The following SUPT3H variants were observed in gnomAD, a reference collection of about 807,000 sequenced individuals.
SUPT3H encodes the protein SPT3 homolog, SAGA and STAGA complex component.
A neutral mutation model predicts 44.3 loss-of-function variants in SUPT3H; 44 were observed. The ratio of observed to expected loss-of-function variants is 0.99; its 90% CI spans 0.78 to 1.28. SUPT3H has a LOEUF of 1.28. Ranked by LOEUF, SUPT3H falls within the 50% of genes most tolerant of loss-of-function variation. SUPT3H has a pLI of 0.00. For missense variants in SUPT3H, 380 were observed against 387.1 expected, an observed-to-expected ratio of 0.98 and a Z score of 0.15; for synonymous variants, 124 against 125.6, an observed-to-expected ratio of 0.99 and a Z score of 0.09.
At chr6:45,149,091 T>C (rs1006257863) in intron 2 of SUPT3H, among the ~76,000 whole-genome samples, 2 of 152,196 alleles carry the variant, frequency 1.3e-5, no homozygotes, top group Admixed American at 6.6e-5. Context: ...ACTAAACATA[T>C]TAATATACAG....
chr6:44,837,650 A>G (rs1338933691), intron 10 of SUPT3H, among the ~76,000 whole-genome samples: 1 of 152,240 alleles, frequency 6.6e-6, no homozygotes, highest in Non-Finnish European at 1.5e-5. Flanking sequence ...CTTACTGATT[A>G]TCAGTCAACA....
intron 2 of SUPT3H, among the ~76,000 whole-genome samples, chr6:45,298,569 T>C (rs1316011993): frequency 1.3e-5 from 2 of 151,874 alleles, no homozygotes; most frequent in African/African-American, 4.8e-5. Flanking sequence ...TCTCCTGACC[T>C]CGTGATCCAT....
At chr6:45,255,937 C>T (rs528700057) in intron 2 of SUPT3H, among the ~76,000 whole-genome samples, 9 of 152,170 alleles carry the variant, frequency 5.9e-5, no homozygotes, top group African/African-American at 1.9e-4. Flanking sequence ...TTTGGGAGGC[C>T]GAGGCGGGAA....
At chr6:45,292,319 C>T (rs765123373) in intron 2 of SUPT3H, among the ~76,000 whole-genome samples, 2 of 152,038 alleles carry the variant, frequency 1.3e-5, no homozygotes, top group Non-Finnish European at 2.9e-5. Context: ...CCTGGAAGCA[C>T]ATCAAAATAG....
chr6:44,994,368 C>G (rs948582163), intron 6 of SUPT3H, among the ~76,000 whole-genome samples: 25 of 152,102 alleles, frequency 1.6e-4, no homozygotes, highest in African/African-American at 6.0e-4. Flanking sequence ...GAGAAAACTT[C>G]CTAGAGAGTT....
At chr6:45,338,150 C>T (rs1343158585) in intron 2 of SUPT3H, among the ~76,000 whole-genome samples, 1 of 151,964 alleles carries the variant, frequency 6.6e-6, no homozygotes, top group Non-Finnish European at 1.5e-5. Context: ...GTAAGTTGTA[C>T]TTTACAAATG....
rs145324768 is a variant in SUPT3H at position 45,331,194 on chromosome 6, T to C, written c.101+34007A>G. ...CCTTGATCTCTCAGCATACTTCACT[T>C]TGAGTTAATCAAAAATTTTCAATCT... On this transcript the variant is annotated intron_variant, in intron 2 of 10. Transcript: ENST00000371459. Among the ~76,000 whole-genome samples the C allele has an allele frequency of 6.7e-3, 1,011 of 152,010 alleles. 8 individuals are homozygous for C. Among genetic ancestry groups the C allele is most frequent in the Non-Finnish European group, 0.012 (811 of 67,928 alleles).
chr6:45,344,634 T>A (rs1210145131), intron 2 of SUPT3H, among the ~76,000 whole-genome samples: 1 of 152,078 alleles, frequency 6.6e-6, no homozygotes, highest in Non-Finnish European at 1.5e-5. Context: ...TTAAAACCCA[T>A]TAAAAATCAG....
intron 2 of SUPT3H, among the ~76,000 whole-genome samples, chr6:45,317,798 G>A (rs756465015): frequency 6.6e-6 from 1 of 152,050 alleles, no homozygotes; most frequent in Non-Finnish European, 1.5e-5. Context: ...TTTTGGATAT[G>A]ACCCCAAAAG....
chr6:45,073,053 C>T (rs898937808), intron 3 of SUPT3H, among the ~76,000 whole-genome samples: 5 of 152,112 alleles, frequency 3.3e-5, no homozygotes, highest in African/African-American at 4.8e-5. Flanking sequence ...AAAGAAATGA[C>T]TTTCTCCGTT....
At chr6:44,900,361 C>A (rs1319198358) in intron 10 of SUPT3H, among the ~76,000 whole-genome samples, 1 of 152,232 alleles carries the variant, frequency 6.6e-6, no homozygotes, top group Non-Finnish European at 1.5e-5. Flanking sequence ...GCAAACGGCA[C>A]ACCAGGAGAT....
chr6:45,066,123 G>A (rs1395858076), intron 3 of SUPT3H, among the ~76,000 whole-genome samples: 2 of 131,654 alleles, frequency 1.5e-5, no homozygotes, highest in African/African-American at 5.8e-5. Flanking sequence ...TGATCAAGTG[G>A]GCTTCATCCC....
chr6:44,892,039 G>C (rs1031760102), intron 10 of SUPT3H, among the ~76,000 whole-genome samples: 1 of 151,852 alleles, frequency 6.6e-6, no homozygotes, highest in African/African-American at 2.4e-5. Flanking sequence ...TGAAATGTTA[G>C]TATTTTCTTC....
At chr6:45,219,531 G>A (rs969695568) in intron 2 of SUPT3H, among the ~76,000 whole-genome samples, 17 of 152,164 alleles carry the variant, frequency 1.1e-4, no homozygotes, top group African/African-American at 3.9e-4. Flanking sequence ...TGACAAGTTA[G>A]AAGAAACAAG....
At chr6:44,910,758 C>T (rs1162341877) in intron 10 of SUPT3H, among the ~76,000 whole-genome samples, 9 of 151,228 alleles carry the variant, frequency 6.0e-5, no homozygotes, top group Admixed American at 2.6e-4. Context: ...CTTTATGAGG[C>T]CGAGGAGGGT....
chr6:45,215,074 G>A (rs1764817701), intron 2 of SUPT3H, among the ~76,000 whole-genome samples: 1 of 152,068 alleles, frequency 6.6e-6, no homozygotes, highest in South Asian at 2.1e-4. Context: ...AGACACCACT[G>A]ATATCAAATA....
chr6:44,987,271 G>T (rs1041998775), intron 6 of SUPT3H, among the ~76,000 whole-genome samples: 2 of 124,340 alleles, frequency 1.6e-5, no homozygotes, highest in African/African-American at 6.0e-5. Flanking sequence ...GGGAGTCAGG[G>T]CTTCAACATA....
intron 10 of SUPT3H, among the ~76,000 whole-genome samples, chr6:44,841,181 T>C (rs1770870775): frequency 6.6e-6 from 1 of 152,230 alleles, no homozygotes; most frequent in Admixed American, 6.5e-5. Flanking sequence ...TATTTTGTTA[T>C]AGCAAGCAAG....
intron 2 of SUPT3H, among the ~76,000 whole-genome samples, chr6:45,143,148 T>C (rs1236238740): frequency 1.3e-5 from 2 of 152,062 alleles, no homozygotes; most frequent in African/African-American, 4.8e-5. Context: ...ACTAGACAGG[T>C]CATCAAGACA....
Sources: allele counts gnomAD v4.1 joint callset (sites outside exome capture counted in the v4.1 genomes callset), GRCh38; gene constraint gnomAD v4.1.1; transcripts MANE v1.5; gene names NCBI Gene and HGNC (gene_info 2026-07-23, HGNC 2026-07-21).